Variants in LIPA observed in about 807,000 individuals in gnomAD.
LIPA encodes the protein lysosomal acid lipase/cholesteryl ester hydrolase.
In LIPA, 26 loss-of-function variants were observed where a neutral mutation model predicts 40.6. The ratio of observed to expected loss-of-function variants is 0.64; its 90% confidence interval spans 0.47 to 0.89. The LOEUF is 0.89. Ranked by LOEUF, LIPA falls within the 40% of genes least tolerant of loss-of-function variation. The pLI is 0.00. For synonymous variants in LIPA, 188 were observed against 168.4 expected (o/e 1.12, Z -0.90); for missense variants, 455 against 479.6 (o/e 0.95, Z 0.48).
intron 2 of LIPA, among the ~76,000 whole-genome samples, chr10:89,247,303 C>T (rs550552872): frequency 1.5e-4 from 20 of 135,334 alleles, no homozygotes; most frequent in South Asian, 4.8e-4. Flanking sequence ...GCCCCTGAGG[C>T]GGAGGTCGCA....
At chr10:89,272,542 T>A (rs1467256233) in intron 1 of LIPA, among the ~76,000 whole-genome samples, 1 of 152,234 alleles carries the variant, frequency 6.6e-6, no homozygotes, top group Non-Finnish European at 1.5e-5. Flanking sequence ...TTGTGAATAG[T>A]GCTGCAATGA....
intron 9 of LIPA, among the ~76,000 whole-genome samples, chr10:89,215,690 C>T (rs1163727913): frequency 6.6e-6 from 1 of 152,222 alleles, no homozygotes; most frequent in Non-Finnish European, 1.5e-5. Context: ...TTCGTGATTA[C>T]TCTGAGTAAT....
At chr10:89,219,655 G>C (rs560675130) in intron 8 of LIPA, among the ~76,000 whole-genome samples, 10 of 152,270 alleles carry the variant, frequency 6.6e-5, no homozygotes, top group African/African-American at 2.2e-4. Context: ...GCCCCAGCCT[G>C]CCCGGCATCC....
intron 2 of LIPA, among the ~76,000 whole-genome samples, chr10:89,394,577 A>AATATATATATATATAT (rs200060906): frequency 9.2e-6 from 1 of 108,752 alleles, no homozygotes; most frequent in Non-Finnish European, 1.8e-5. Context: ...ACTACAGGAA[A>AATATATATATATATAT]ATATATATAT....
At chr10:89,302,501 G>A (rs1214468066) in intron 1 of LIPA, among the ~76,000 whole-genome samples, 3 of 152,190 alleles carry the variant, frequency 2.0e-5, no homozygotes, top group Non-Finnish European at 4.4e-5. Context: ...TATTTGAAAG[G>A]ATTAAGTTGG....
At chr10:89,328,584 C>T (rs1233475417) in intron 1 of LIPA, among the ~76,000 whole-genome samples, 1 of 152,192 alleles carries the variant, frequency 6.6e-6, no homozygotes, top group Non-Finnish European at 1.5e-5. Context: ...TGCAAACCCA[C>T]TCATGAAGAA....
chr10:89,291,096 C>T (rs1173241478), intron 1 of LIPA, among the ~76,000 whole-genome samples: 1 of 151,924 alleles, frequency 6.6e-6, no homozygotes, highest in Non-Finnish European at 1.5e-5. Flanking sequence ...ACTTCTCGGT[C>T]TCCTTTCTTT....
intron 2 of LIPA, chr10:89,403,431 C>G: frequency 6.2e-7 from 1 of 1,613,712 alleles, no homozygotes; most frequent in Non-Finnish European, 8.5e-7. Flanking sequence ...CCACTATGGT[C>G]GGTTTCAGGA....
At chr10:89,300,505 G>C (rs895633929) in intron 1 of LIPA, among the ~76,000 whole-genome samples, 1 of 152,040 alleles carries the variant, frequency 6.6e-6, no homozygotes, top group Non-Finnish European at 1.5e-5. Context: ...TTCTTTGCAC[G>C]TAACAAACAC....
chr10:89,330,284 T>TGACCAAAATGGGGCTTA (rs1304865699), intron 1 of LIPA, among the ~76,000 whole-genome samples: 1 of 152,218 alleles, frequency 6.6e-6, no homozygotes, highest in African/African-American at 2.4e-5. Context: ...ATTTTCTAGA[T>TGACCAAAATGGGGCTTA]GACCAAAATG....
intron 1 of LIPA, among the ~76,000 whole-genome samples, chr10:89,329,414 CAGGGTCCTGTCTTT>C (rs1843628772): frequency 6.6e-6 from 1 of 152,158 alleles, no homozygotes; most frequent in Non-Finnish European, 1.5e-5. Context: ...AAAGGTTTTA[CAGGGTCCTGTCTTT>C]AGGTGTGTCT....
chr10:89,310,947 T>TA (rs1487501308), intron 1 of LIPA, among the ~76,000 whole-genome samples: 1 of 152,186 alleles, frequency 6.6e-6, no homozygotes, highest in Non-Finnish European at 1.5e-5. Context: ...AAATATATAG[T>TA]AAATTCTGCC....
At chr10:89,382,118 C>T (rs999662164) in intron 2 of LIPA, among the ~76,000 whole-genome samples, 1 of 151,952 alleles carries the variant, frequency 6.6e-6, no homozygotes, top group African/African-American at 2.4e-5. Flanking sequence ...TTTCATCATC[C>T]ATTTTTTGTG....
At chr10:89,215,130 C>A (rs570272461) in intron 9 of LIPA, 69 bp from the exon 10 acceptor site, 21 of 1,117,802 alleles carry the variant, frequency 1.9e-5, no homozygotes, top group Non-Finnish European at 2.7e-5. Flanking sequence ...TCACAATAAG[C>A]GCAATCTCCA....
At position 89,384,267 on chromosome 10, in the gene LIPA, G is replaced by A. The variant is rs750730425; in HGVS notation, c.61+28524C>T. 2.5e-6 allele frequency: 4 copies of A among 1,614,052 alleles called. No homozygotes were observed. In the South Asian group the frequency reaches 4.4e-5, roughly 18 times the overall value. ...CTAGAGGGCAAGATAGGGAAACTGTGGACAGATTGGTTCAATTGGCTATAT... is the reference window on the plus strand; with the variant it reads ...CTAGAGGGCAAGATAGGGAAACTGTAGACAGATTGGTTCAATTGGCTATAT... On this transcript the variant is annotated intron_variant, in intron 2 of 8. Coordinates refer to the LIPA transcript ENST00000371837.
intron 2 of LIPA, among the ~76,000 whole-genome samples, chr10:89,389,621 A>G (rs1468303543): frequency 6.6e-6 from 1 of 152,218 alleles, no homozygotes; most frequent in African/African-American, 2.4e-5. Context: ...CCATTCCTTA[A>G]TAAGTTGTGA....
intron 3 of LIPA, among the ~76,000 whole-genome samples, chr10:89,243,705 C>T (rs752678390): frequency 4.5e-4 from 69 of 152,318 alleles, no homozygotes; most frequent in South Asian, 3.3e-3. Flanking sequence ...AAGACTCATG[C>T]TCACTTTCTT....
intron 1 of LIPA, among the ~76,000 whole-genome samples, chr10:89,334,308 C>T (rs1319227049): frequency 4.0e-5 from 6 of 151,752 alleles, no homozygotes; most frequent in South Asian, 4.2e-4. Flanking sequence ...CTTTAGTAAG[C>T]GAAATCTTAT....
chr10:89,367,913 G>C (rs540011796), intron 2 of LIPA, among the ~76,000 whole-genome samples: 1 of 152,206 alleles, frequency 6.6e-6, no homozygotes, highest in South Asian at 2.1e-4. Context: ...CGAACTCTTG[G>C]GTTCAAGCAA....
Sources: gnomAD v4.1 joint callset for allele counts (sites outside exome capture counted in the v4.1 genomes callset) on GRCh38, gnomAD v4.1.1 for gene constraint, MANE v1.5 for transcripts, NCBI Gene and HGNC (gene_info 2026-07-23, HGNC 2026-07-21) for gene names.